Variants in PRKAR1B observed in about 807,000 individuals in gnomAD.
PRKAR1B encodes the protein cAMP-dependent protein kinase type I-beta regulatory subunit.
In PRKAR1B, 22 loss-of-function variants were observed where a neutral mutation model predicts 46.5. That is an observed-to-expected ratio of 0.47 (90% confidence interval 0.34 to 0.68). PRKAR1B has a LOEUF of 0.68. Ranked by LOEUF, PRKAR1B falls within the 30% of genes least tolerant of loss-of-function variation. The probability of loss-of-function intolerance (pLI) is 0.01; values close to 1 mark genes in which losing one functional copy is unlikely to be tolerated. For synonymous variants in PRKAR1B, 259 were observed against 217.7 expected, an observed-to-expected ratio of 1.19 and a Z score of -1.67; for missense variants, 445 against 535.6, an observed-to-expected ratio of 0.83 and a Z score of 1.67.
intron 4 of PRKAR1B, among the ~76,000 whole-genome samples, chr7:640,973 GT>G (rs1784357039): frequency 6.7e-6 from 1 of 150,098 alleles, no homozygotes; most frequent in Non-Finnish European, 1.5e-5. Flanking sequence ...TTTTTTTTTT[GT>G]TTTGAGTCTC....
At chr7:718,148 C>G (rs1441589911) in intron 1 of PRKAR1B, among the ~76,000 whole-genome samples, 5 of 151,860 alleles carry the variant, frequency 3.3e-5, no homozygotes, top group Non-Finnish European at 7.4e-5. Context: ...GATAAGAATG[C>G]AGCCCCAGCA....
At chr7:623,977 C>A (rs1009067180) in intron 4 of PRKAR1B, among the ~76,000 whole-genome samples, 11 of 152,172 alleles carry the variant, frequency 7.2e-5, no homozygotes, top group Non-Finnish European at 1.0e-4. Flanking sequence ...GGGCTTCCAA[C>A]CAGAATTGCT....
intron 8 of PRKAR1B, among the ~76,000 whole-genome samples, chr7:580,674 G>GA (rs1287194925): frequency 3.3e-5 from 4 of 120,012 alleles, no homozygotes; most frequent in Admixed American, 1.9e-4. Flanking sequence ...CCCTTGGAAG[G>GA]AAAAAAAATT....
At chr7:556,607 C>T (rs1365647499) in intron 9 of PRKAR1B, among the ~76,000 whole-genome samples, 1 of 152,210 alleles carries the variant, frequency 6.6e-6, no homozygotes, top group African/African-American at 2.4e-5. Context: ...GGGTCGGTCC[C>T]CGAGGCGTCC....
intron 10 of PRKAR1B, 109 bp downstream of exon 10, chr7:551,280 A>G (rs1583184282): frequency 6.7e-6 from 7 of 1,050,054 alleles, no homozygotes; most frequent in East Asian, 5.2e-5. Context: ...AAGCCCCACT[A>G]CAAGGCCCCA....
At chr7:725,193 G>A (rs1428928476) in intron 1 of PRKAR1B, among the ~76,000 whole-genome samples, 4 of 144,856 alleles carry the variant, frequency 2.8e-5, no homozygotes, top group South Asian at 2.2e-4. Context: ...CAGGCTGGGC[G>A]ACAGAGCAAG....
At chr7:601,907 C>T (rs1047154287) in intron 6 of PRKAR1B, among the ~76,000 whole-genome samples, 19 of 74,142 alleles carry the variant, frequency 2.6e-4, no homozygotes, top group African/African-American at 8.2e-4. Context: ...GGGGTAGGGA[C>T]GGGCAGGGGG....
At chr7:561,221 C>A (rs541619572) in intron 9 of PRKAR1B, among the ~76,000 whole-genome samples, 1 of 151,388 alleles carries the variant, frequency 6.6e-6, no homozygotes, top group Non-Finnish European at 1.5e-5. Flanking sequence ...CACACAGGCA[C>A]ACAAACCTGT....
intron 9 of PRKAR1B, among the ~76,000 whole-genome samples, chr7:566,642 AC>A (rs1779178123): frequency 6.9e-6 from 1 of 145,552 alleles, no homozygotes; most frequent in Admixed American, 7.3e-5. Flanking sequence ...CATCATCAGC[AC>A]CTTGATCACC....
intron 7 of PRKAR1B, among the ~76,000 whole-genome samples, chr7:586,456 G>A (rs188178974): frequency 3.3e-5 from 5 of 152,322 alleles, no homozygotes; most frequent in Admixed American, 2.0e-4. Context: ...CTCCTGGATC[G>A]CTCAGCTGCA....
chr7:615,985 G>T (rs1015148846), intron 4 of PRKAR1B, among the ~76,000 whole-genome samples: 1 of 142,264 alleles, frequency 7.0e-6, no homozygotes, highest in Non-Finnish European at 1.5e-5. Flanking sequence ...AGAGAAAGAG[G>T]GAGAGAGAAA....
chr7:605,646 C>A (rs1189661488), intron 6 of PRKAR1B, among the ~76,000 whole-genome samples: 8 of 152,190 alleles, frequency 5.3e-5, no homozygotes, highest in African/African-American at 1.9e-4. Flanking sequence ...GTGGGAGCAT[C>A]TCATAAAAGA....
intron 4 of PRKAR1B, among the ~76,000 whole-genome samples, chr7:672,199 G>A (rs534349146): frequency 5.3e-5 from 8 of 152,138 alleles, no homozygotes; most frequent in Non-Finnish European, 1.0e-4. Context: ...CGCCCAGGCT[G>A]GAGTGCAGTG....
At chr7:671,889 C>T (rs1018094496) in intron 4 of PRKAR1B, among the ~76,000 whole-genome samples, 6 of 152,196 alleles carry the variant, frequency 3.9e-5, no homozygotes, top group East Asian at 1.9e-4. Context: ...CTGGAACAGC[C>T]GTGCTGGCTC....
chr7:657,662 C>A (rs969876651), intron 4 of PRKAR1B, among the ~76,000 whole-genome samples: 2 of 152,172 alleles, frequency 1.3e-5, no homozygotes, highest in African/African-American at 4.8e-5. Context: ...CGACAGGACA[C>A]CCTGTCCTTC....
chr7:658,043 C>T (rs1315714523), intron 4 of PRKAR1B, among the ~76,000 whole-genome samples: 2 of 152,154 alleles, frequency 1.3e-5, no homozygotes, highest in Non-Finnish European at 2.9e-5. Flanking sequence ...CAGGCCGAGA[C>T]AGCAGCTCCG....
intron 7 of PRKAR1B, among the ~76,000 whole-genome samples, chr7:587,013 A>T (rs1780642733): frequency 6.6e-6 from 1 of 151,876 alleles, no homozygotes; most frequent in South Asian, 2.1e-4. Context: ...CCTCCGGAGT[A>T]GCTGGGACTA....
At chr7:600,226 C>T (rs938245724) in intron 6 of PRKAR1B, among the ~76,000 whole-genome samples, 2 of 152,140 alleles carry the variant, frequency 1.3e-5, no homozygotes, top group African/African-American at 4.8e-5. Context: ...AAAGTAGGGC[C>T]GAGGGCAGTG....
intron 9 of PRKAR1B, among the ~76,000 whole-genome samples, chr7:552,063 A>C (rs1461010857): frequency 1.2e-4 from 1 of 8,598 alleles, no homozygotes; most frequent in African/African-American, 5.4e-4. Context: ...CCAAACCCCC[A>C]CCTCCCACCC....
Sources: gnomAD v4.1 joint callset for allele counts (sites outside exome capture counted in the v4.1 genomes callset) on GRCh38, gnomAD v4.1.1 for gene constraint, MANE v1.5 for transcripts, NCBI Gene and HGNC (gene_info 2026-07-23, HGNC 2026-07-21) for gene names.